Variants in LY6G5B observed in about 807,000 individuals in gnomAD.
The protein encoded by LY6G5B is lymphocyte antigen 6 family member G5B.
Under a neutral mutation model 6.7 loss-of-function variants are expected in LY6G5B, and 6 were observed. That is an observed-to-expected ratio of 0.89 (90% CI 0.49 to 1.76). LY6G5B has a LOEUF of 1.76. LY6G5B is among the 40% of genes most tolerant of loss of function. The probability of loss-of-function intolerance (pLI) is 0.01; values close to 1 mark genes in which losing one functional copy is unlikely to be tolerated. For missense variants in LY6G5B, 240 were observed against 249.5 expected (o/e 0.96, Z 0.26); for synonymous variants, 98 against 99.4 (o/e 0.99, Z 0.09).
rs1802132653 is a variant in LY6G5B at position 31,670,536 on chromosome 6, C to T, written c.-415C>T. On this transcript the variant is annotated 5_prime_UTR_variant, in exon 1 of 3. It introduces an in-frame stop codon into an upstream open reading frame of the 5' UTR. Transcript: ENST00000375864. ...GCTTGATTTCCTGGCCAGGTTGTCC[C>T]AGCACAGTGGGGATTGGCCCTGTTG... 5.1e-6 allele frequency: 1 copy of T among 196,164 alleles called. No individual in the cohort carries two copies. Among genetic ancestry groups the T allele is most frequent in the Non-Finnish European group, 1.0e-5 (1 of 95,868 alleles). 12.2% of individuals were successfully genotyped at this position (196,164 alleles called of 1,614,324 possible). A position where few individuals can be genotyped will look rare whatever the true frequency, so the allele number is the denominator to read the frequency against.
exon 3 of LY6G5B, chr6:31,672,547 C>T (rs1237914391): frequency 2.7e-5 from 13 of 487,596 alleles, no homozygotes; most frequent in Non-Finnish European, 3.6e-5. Context: ...CGGGTTCCAG[C>T]GATTCTCCTG....
chr6:31,670,031 G>T, upstream of LY6G5B: 1 of 877,270 alleles, frequency 1.1e-6, no homozygotes, highest in Non-Finnish European at 1.7e-6. Flanking sequence ...AGTCGTTATC[G>T]TGGTGGGAAT....
chr6:31,671,774 C>T (rs1304762180), intron 2 of LY6G5B, 90 bp from the exon 3 acceptor site: 1 of 1,460,748 alleles, frequency 6.8e-7, no homozygotes, highest in South Asian at 1.3e-5. Flanking sequence ...TAAATTAGGT[C>T]TGGGTGAAGG....
intron 1 of LY6G5B, 56 bp downstream of exon 1, chr6:31,671,064 G>C (rs1802172659): frequency 1.2e-6 from 2 of 1,609,718 alleles, no homozygotes; most frequent in South Asian, 1.1e-5. Context: ...CCAGGAAGGG[G>C]GTGGAGCGTG....
chr6:31,671,675 C>A (rs1157798030), intron 2 of LY6G5B, among the ~76,000 whole-genome samples, 189 bp from the exon 3 acceptor site: 5 of 151,988 alleles, frequency 3.3e-5, no homozygotes, highest in South Asian at 2.1e-4. Flanking sequence ...TCAAAAAAAA[C>A]CAGAAGAATC....
Position 31,672,131 on chromosome 6 carries a change from G to T in LY6G5B, c.455G>T (p.Gly152Val), listed in dbSNP as rs61743683. 3 of 1,613,096 alleles carry T rather than the reference G, an allele frequency of 1.9e-6. No homozygotes were observed. In the South Asian group the frequency reaches 3.3e-5, roughly 18 times the overall value. Residue 152 changes from glycine (G) to valine (V), a missense_variant, in exon 3 of 3, where the codon GGG becomes GTG. Coordinates refer to ENST00000375864, the Ensembl canonical transcript of LY6G5B. The stretch of plus-strand genomic sequence containing the variant: ...CTGCCCCTCCCCAATTTCCATGCTG[G>T]GACGGAGCCTGATGGCCTGGACCCC...
At chr6:31,670,978 C>CTGG in exon 1 of LY6G5B, 1 of 1,612,190 alleles carries the variant, frequency 6.2e-7, no homozygotes, top group Non-Finnish European at 8.5e-7. Flanking sequence ...TGTAGGTGTG[C>CTGG]TGGTCATGGT....
intron 2 of LY6G5B, 44 bp downstream of exon 2, chr6:31,671,328 G>A (rs1271913862): frequency 3.1e-6 from 5 of 1,611,114 alleles, no homozygotes; most frequent in Non-Finnish European, 4.2e-6. Context: ...GGCAGCCAAT[G>A]GCTTGGTCTT....
intron 2 of LY6G5B, among the ~76,000 whole-genome samples, chr6:31,671,654 T>C (rs1802225891): frequency 6.6e-6 from 1 of 151,952 alleles, no homozygotes. Context: ...GTAACAGAGC[T>C]AGACCCTGTC....
exon 3 of LY6G5B, chr6:31,673,288 A>C (rs1183473234): frequency 1.3e-5 from 2 of 152,332 alleles, no homozygotes; most frequent in Admixed American, 6.5e-5. Flanking sequence ...TGAGGAATAG[A>C]ATTCTGTGCA....
exon 1 of LY6G5B, chr6:31,670,232 A>T: frequency 2.6e-6 from 1 of 390,594 alleles, no homozygotes; most frequent in East Asian, 4.0e-5. Flanking sequence ...CAGAATTCCT[A>T]GGACTGCGTG....
rs1031454982 is a variant in LY6G5B, at chr6:31,671,418, G to C, written c.187+134G>C. The C allele has an allele frequency of 5.3e-6, 7 of 1,324,312 alleles. No homozygotes were observed. The African/African-American group carries it at 8.7e-5, about 16-fold the overall frequency. 82.0% of individuals were successfully genotyped at this position (1,324,312 alleles called of 1,614,324 possible). A position where few individuals can be genotyped will look rare whatever the true frequency, so the allele number is the denominator to read the frequency against. On this transcript the variant is annotated intron_variant, in intron 2 of 2. Coordinates refer to ENST00000375864, the Ensembl canonical transcript of LY6G5B. The stretch of plus-strand genomic sequence containing the variant: ...GGGCTGAGTGCAATGGCTCATGCCT[G>C]TAACCCTAGCACTTTGGGAGGCTGA...
chr6:31,672,158 T>C (rs1175202334), exon 3 of LY6G5B: 1 of 1,613,090 alleles, frequency 6.2e-7, no homozygotes, highest in East Asian at 2.2e-5. Context: ...CTGGACCCCA[T>C]GGTCACACTG....
At chr6:31,671,639 C>T (rs1802224534) in intron 2 of LY6G5B, among the ~76,000 whole-genome samples, 1 of 152,088 alleles carries the variant, frequency 6.6e-6, no homozygotes, top group Admixed American at 6.5e-5. Flanking sequence ...CATGCTCCAG[C>T]CTGAGTAACA....
chr6:31,670,679 G>C (rs1257567061), exon 1 of LY6G5B: 2 of 489,340 alleles, frequency 4.1e-6, no homozygotes. Context: ...AAAGAACCCG[G>C]TAGTGCCCAG....
exon 3 of LY6G5B, chr6:31,672,532 C>A (rs1431129294): frequency 9.5e-6 from 5 of 523,916 alleles, no homozygotes; most frequent in Non-Finnish European, 3.3e-6. Context: ...ACAACCTCCA[C>A]CTCCCGGGTT....
At chr6:31,670,060 A>C (rs1802081598), upstream of LY6G5B, 1 of 760,892 alleles carries the variant, frequency 1.3e-6, no homozygotes, top group Non-Finnish European at 2.0e-6. Flanking sequence ...AAGTAGAAGA[A>C]AAGGCCATGA....
In LY6G5B at chr6:31,671,962, G is replaced by A; in HGVS notation, c.286G>A (p.Ala96Thr). The change falls in exon 3 of 3, where the codon GCC (alanine) becomes ACC (threonine). Residue 96 changes from alanine to threonine, a missense_variant. Ala to Thr is a moderately conservative substitution (Grantham distance 58). Transcript: ENST00000375864. ...CTACTTTGCAGAGTACTGGTATCAGGCCCAGTGCTGTCAGTACGATTATTG... is the reference window on the plus strand; with the variant it reads ...CTACTTTGCAGAGTACTGGTATCAGACCCAGTGCTGTCAGTACGATTATTG... 3 of 1,613,046 alleles carry A rather than the reference G, an allele frequency of 1.9e-6. No homozygotes were observed. Among genetic ancestry groups the A allele is most frequent in the African/African-American group, 2.7e-5 (2 of 75,006 alleles).
At chr6:31,671,624 G>A (rs557242600) in intron 2 of LY6G5B, among the ~76,000 whole-genome samples, 17 of 152,158 alleles carry the variant, frequency 1.1e-4, no homozygotes, top group Admixed American at 3.3e-4. Context: ...CCAAGATTGC[G>A]CCACCATGCT....
Sources: gnomAD v4.1 joint callset for allele counts (sites outside exome capture counted in the v4.1 genomes callset) on GRCh38, gnomAD v4.1.1 for gene constraint, MANE v1.5 for transcripts, NCBI Gene and HGNC (gene_info 2026-07-23, HGNC 2026-07-21) for gene names.